The following GRM7 variants were observed in gnomAD, a reference collection of about 807,000 sequenced individuals.
The protein encoded by GRM7 is metabotropic glutamate receptor 7.
Under a neutral mutation model 84.5 loss-of-function variants are expected in GRM7, and 35 were observed. The ratio of observed to expected loss-of-function variants is 0.41; its 90% CI spans 0.32 to 0.55. The LOEUF is 0.55. Among genes scored for constraint, GRM7 ranks in the 20% least tolerant of loss-of-function variants. The pLI, the probability that GRM7 is intolerant of heterozygous loss-of-function variation, is 0.19. For synonymous variants in GRM7, 487 were observed against 455.1 expected (o/e 1.07, Z -0.89); for missense variants, 1,003 against 1,194.6 (o/e 0.84, Z 2.36).
In GRM7 at chr3:7,314,120, C is replaced by T. The variant is rs563326839; in HGVS notation, c.1033+7468C>T. On this transcript the variant is annotated intron_variant, in intron 4 of 9. Transcript: ENST00000357716. Reference sequence around the variant, plus strand: ...TTTCATTGAATAAGCACATCTGACACTGGGTAGATTTTTCCTTTAAAATCA... The same window carrying T: ...TTTCATTGAATAAGCACATCTGACATTGGGTAGATTTTTCCTTTAAAATCA... 2.0e-5 allele frequency among the ~76,000 whole-genome samples: 3 copies of T among 152,234 alleles called. No individual in the cohort carries two copies. In the East Asian group the frequency reaches 5.8e-4, roughly 29 times the overall value.
At chr3:7,010,921 T>A (rs952650987) in intron 1 of GRM7, among the ~76,000 whole-genome samples, 1 of 152,294 alleles carries the variant, frequency 6.6e-6, no homozygotes, top group Non-Finnish European at 1.5e-5. Flanking sequence ...AGGAAAAGAA[T>A]TGCAGAAGCA....
chr3:7,435,851 CTTTT>C (rs34860272), intron 5 of GRM7, among the ~76,000 whole-genome samples: 10 of 89,248 alleles, frequency 1.1e-4, no homozygotes, highest in African/African-American at 3.0e-4. Flanking sequence ...CCACACCCAT[CTTTT>C]TTTTTTTTTT....
Position 7,397,341 on chromosome 3 carries a change from A to G in GRM7, c.1034-17682A>G, listed in dbSNP as rs79484718. 4.8e-3 allele frequency among the ~76,000 whole-genome samples: 738 copies of G among 152,266 alleles called. 7 individuals are homozygous for G. Among genetic ancestry groups the G allele is most frequent in the African/African-American group, 0.017 (704 of 41,550 alleles). The stretch of plus-strand genomic sequence containing the variant: ...CATTAGAAGAAAGTTCTGTAATTCA[A>G]TAAAGGAAACATCATCCCTTGACTC... On this transcript the variant is annotated intron_variant, in intron 4 of 9. Transcript: ENST00000357716.
chr3:7,277,548 C>T (rs761880169), intron 2 of GRM7, among the ~76,000 whole-genome samples: 4 of 152,004 alleles, frequency 2.6e-5, no homozygotes, highest in African/African-American at 9.7e-5. Flanking sequence ...AGTATACCCA[C>T]GTTTTTAAAA....
chr3:7,396,212 C>T (rs1235386336), intron 4 of GRM7, among the ~76,000 whole-genome samples: 2 of 151,962 alleles, frequency 1.3e-5, no homozygotes, highest in African/African-American at 4.8e-5. Flanking sequence ...CCAGTAAGAA[C>T]CTTTAAAAAA....
intron 1 of GRM7, among the ~76,000 whole-genome samples, chr3:7,105,561 G>A (rs2008282): frequency 0.061 from 9,280 of 151,920 alleles, 680 homozygotes; most frequent in Admixed American, 0.14. Flanking sequence ...ATCTTTCTAA[G>A]ACTAATATTG....
intron 4 of GRM7, among the ~76,000 whole-genome samples, chr3:7,345,987 A>G (rs1692874898): frequency 6.6e-6 from 1 of 152,148 alleles, no homozygotes; most frequent in Non-Finnish European, 1.5e-5. Flanking sequence ...GAATCAAACT[A>G]TATTTCTTTC....
intron 1 of GRM7, among the ~76,000 whole-genome samples, chr3:7,098,374 A>G (rs1169498407): frequency 6.6e-6 from 1 of 152,042 alleles, no homozygotes; most frequent in Non-Finnish European, 1.5e-5. Context: ...TAATTCACCT[A>G]CAATTATATG....
chr3:6,914,267 A>G (rs1166051300), intron 1 of GRM7, among the ~76,000 whole-genome samples: 1 of 152,178 alleles, frequency 6.6e-6, no homozygotes, highest in Non-Finnish European at 1.5e-5. Context: ...AAAGTTGTCA[A>G]TCTTTAGTAG....
chr3:7,385,559 G>A (rs1052788615), intron 4 of GRM7, among the ~76,000 whole-genome samples: 1 of 151,878 alleles, frequency 6.6e-6, no homozygotes, highest in Non-Finnish European at 1.5e-5. Flanking sequence ...CTCGGCCTCC[G>A]AAAGTGCTGG....
chr3:7,060,960 A>G (rs1313371585), intron 1 of GRM7, among the ~76,000 whole-genome samples: 1 of 151,776 alleles, frequency 6.6e-6, no homozygotes, highest in South Asian at 2.1e-4. Context: ...TATAGAACAC[A>G]CTGCCGTTGA....
At chr3:7,185,146 C>T (rs577983784) in intron 2 of GRM7, among the ~76,000 whole-genome samples, 18 of 152,152 alleles carry the variant, frequency 1.2e-4, no homozygotes, top group Admixed American at 6.5e-4. Context: ...TCTGCAAATG[C>T]GACCACCATG....
At chr3:7,007,886 C>A (rs1381228020) in intron 1 of GRM7, among the ~76,000 whole-genome samples, 1 of 152,174 alleles carries the variant, frequency 6.6e-6, no homozygotes, top group Non-Finnish European at 1.5e-5. Flanking sequence ...TACCCATTAA[C>A]TGACTGTTGA....
chr3:6,873,223 C>T (rs184375599), intron 1 of GRM7, among the ~76,000 whole-genome samples: 3 of 152,146 alleles, frequency 2.0e-5, no homozygotes, highest in African/African-American at 7.2e-5. Flanking sequence ...AGGCACCCAC[C>T]ACCAGGCCTG....
At chr3:7,001,696 A>AT (rs34799525) in intron 1 of GRM7, among the ~76,000 whole-genome samples, 46,368 of 152,090 alleles carry the variant, frequency 0.3, 8,536 homozygotes, top group African/African-American at 0.52. Flanking sequence ...AAATTAATTT[A>AT]TTTTTGAACA....
intron 1 of GRM7, among the ~76,000 whole-genome samples, chr3:6,872,523 T>A (rs1161936526): frequency 6.6e-6 from 1 of 152,314 alleles, no homozygotes; most frequent in Middle Eastern, 3.4e-3. Context: ...GCAGGTTTGT[T>A]ACATAGGTAT....
chr3:7,194,260 G>T (rs940182044), intron 2 of GRM7, among the ~76,000 whole-genome samples: 2 of 151,998 alleles, frequency 1.3e-5, no homozygotes, highest in Non-Finnish European at 2.9e-5. Context: ...TCCAAGACAA[G>T]GTCTCTATTA....
chr3:7,352,872 C>A (rs1243670458), intron 4 of GRM7, among the ~76,000 whole-genome samples: 2 of 152,028 alleles, frequency 1.3e-5, no homozygotes, highest in African/African-American at 2.4e-5. Context: ...ATGTCCCTGT[C>A]CTAACTTACA....
At chr3:7,505,843 TAA>T (rs1353055270) in intron 7 of GRM7, among the ~76,000 whole-genome samples, 2 of 152,172 alleles carry the variant, frequency 1.3e-5, no homozygotes, top group Non-Finnish European at 2.9e-5. Flanking sequence ...CAAAGATCTC[TAA>T]AATGTCTTCC....
Sources: gnomAD v4.1 joint callset for allele counts (sites outside exome capture counted in the v4.1 genomes callset) on GRCh38, gnomAD v4.1.1 for gene constraint, MANE v1.5 for transcripts, NCBI Gene and HGNC (gene_info 2026-07-23, HGNC 2026-07-21) for gene names.